Variants in CCDC33 observed in about 807,000 individuals in gnomAD.
CCDC33 encodes the protein coiled-coil domain-containing protein 33.
In CCDC33, 94 loss-of-function variants were observed where a neutral mutation model predicts 91.9. The observed-to-expected ratio is 1.02, with a 90% CI of 0.87 to 1.21. The LOEUF is 1.21. Ranked by LOEUF, CCDC33 falls within the 50% of genes most tolerant of loss-of-function variation. CCDC33 has a pLI of 0.00. For missense variants in CCDC33, 940 were observed against 935.5 expected (o/e 1.00, Z -0.06); for synonymous variants, 396 against 374.5 (o/e 1.06, Z -0.66).
chr15:74,333,731 A>G, intron 16 of CCDC33, 150 bp from the exon 17 acceptor site: 3 of 588,700 alleles, frequency 5.1e-6, no homozygotes, highest in Non-Finnish European at 9.0e-6. Context: ...CTTCCAGAAG[A>G]GGGTTCGGCC....
chr15:74,203,374 C>T (rs1238541289), intron 1 of CCDC33, among the ~76,000 whole-genome samples: 2 of 152,182 alleles, frequency 1.3e-5, no homozygotes, highest in East Asian at 3.9e-4. Context: ...AGGTCTGGGC[C>T]AGGGAGGAGG....
At chr15:74,330,413 T>G in intron 12 of CCDC33, 59 bp downstream of exon 12, 2 of 1,484,548 alleles carry the variant, frequency 1.3e-6, no homozygotes, top group Non-Finnish European at 1.8e-6. Context: ...AGGCTCCAGG[T>G]TGTGCAATAG....
At chr15:74,323,080 A>G (rs1365088153) in intron 11 of CCDC33, among the ~76,000 whole-genome samples, 2 of 151,836 alleles carry the variant, frequency 1.3e-5, no homozygotes, top group Admixed American at 1.3e-4. Flanking sequence ...TCTCCAGGAA[A>G]TCCTCTCTCT....
intron 7 of CCDC33, 40 bp from the exon 8 acceptor site, chr15:74,279,923 G>C (rs753399872): frequency 6.3e-7 from 1 of 1,597,540 alleles, no homozygotes; most frequent in Non-Finnish European, 8.5e-7. Flanking sequence ...TTTGGGAGAA[G>C]CTGTGGCCCC....
At chr15:74,247,970 G>A (rs1300345331) in intron 2 of CCDC33, among the ~76,000 whole-genome samples, 1 of 152,116 alleles carries the variant, frequency 6.6e-6, no homozygotes, top group East Asian at 1.9e-4. Context: ...CCAGCTACTT[G>A]GGAGGCTGAG....
intron 10 of CCDC33, among the ~76,000 whole-genome samples, chr15:74,295,025 T>C (rs2059657109): frequency 1.3e-5 from 2 of 152,326 alleles, no homozygotes; most frequent in South Asian, 4.1e-4. Flanking sequence ...GGAGAGACTG[T>C]CTGCTTAATG....
chr15:74,235,161 A>C (rs955456644), upstream of CCDC33, among the ~76,000 whole-genome samples: 6 of 152,288 alleles, frequency 3.9e-5, no homozygotes, highest in South Asian at 2.1e-4. Flanking sequence ...CCAGAGCCCC[A>C]GGAGTACCAC....
At chr15:74,315,278 G>T (rs1162575843) in intron 11 of CCDC33, among the ~76,000 whole-genome samples, 1 of 152,214 alleles carries the variant, frequency 6.6e-6, no homozygotes, top group Non-Finnish European at 1.5e-5. Flanking sequence ...CCTGAGTTCA[G>T]CTGAGCCTCT....
At chr15:74,304,074 C>T (rs2279377) in intron 11 of CCDC33, 5,827 of 152,322 alleles carry the variant, frequency 0.038, 135 homozygotes, top group Middle Eastern at 0.12. Flanking sequence ...ACCTGCATAG[C>T]TCTTGCAGGT....
intron 11 of CCDC33, among the ~76,000 whole-genome samples, chr15:74,320,894 AT>A (rs2060193573): frequency 6.6e-6 from 1 of 152,142 alleles, no homozygotes; most frequent in African/African-American, 2.4e-5. Flanking sequence ...GCTTGTCCTC[AT>A]GGCCAGTGGG....
intron 1 of CCDC33, chr15:74,207,621 C>T: frequency 7.3e-7 from 1 of 1,375,358 alleles, no homozygotes; most frequent in East Asian, 2.5e-5. Context: ...CTCAGGTACA[C>T]CCCCAACTTC....
At chr15:74,285,124 G>C (rs1222644286) in intron 10 of CCDC33, among the ~76,000 whole-genome samples, 1 of 152,260 alleles carries the variant, frequency 6.6e-6, no homozygotes, top group Non-Finnish European at 1.5e-5. Context: ...TGCTGTCACA[G>C]AGCGGAAATG....
At chr15:74,288,746 C>T (rs2059527155) in intron 10 of CCDC33, among the ~76,000 whole-genome samples, 1 of 152,222 alleles carries the variant, frequency 6.6e-6, no homozygotes, top group African/African-American at 2.4e-5. Flanking sequence ...ATCTGTACCC[C>T]CAACCCCAAG....
At chr15:74,330,117 A>G (rs2060396845) in intron 11 of CCDC33, 72 bp from the exon 12 acceptor site, 8 of 1,486,308 alleles carry the variant, frequency 5.4e-6, no homozygotes, top group Non-Finnish European at 7.2e-6. Context: ...CTGACTTTCA[A>G]GTGTAGATGT....
At chr15:74,250,624 CTT>C (rs778540084) in intron 2 of CCDC33, among the ~76,000 whole-genome samples, 3 of 152,230 alleles carry the variant, frequency 2.0e-5, no homozygotes, top group African/African-American at 7.2e-5. Context: ...TGTGCGTACT[CTT>C]TGCCAGTGCC....
At position 74,218,819 on chromosome 15, in the gene CCDC33, A is replaced by G; in HGVS notation, c.633A>G (p.Glu211=). 1.6e-6 allele frequency: 2 copies of G among 1,274,966 alleles called. No homozygotes were observed. Among genetic ancestry groups the G allele is most frequent in the Non-Finnish European group, 2.0e-6 (2 of 980,576 alleles). 79.0% of individuals were successfully genotyped at this position (1,274,966 alleles called of 1,614,324 possible). The change falls in exon 2 of 3, where the codon GAA becomes GAG. Residue 211 remains glutamate, a synonymous_variant. Transcript: ENST00000635913. This position sits in a 1 kb window ranked among gnomAD's most constrained non-coding sequence, Gnocchi z 4.8. ...GCCCTCCCAGGGCTGGCCAGCCAGA[A>G]CTGATGTCACCATGCCCAGAGCCCC... is the stretch of plus-strand genomic sequence containing the variant.
chr15:74,333,102 C>A, intron 16 of CCDC33: 1 of 880,642 alleles, frequency 1.1e-6, no homozygotes, highest in Non-Finnish European at 1.8e-6. Flanking sequence ...GGTCCCTGAA[C>A]CCTGACCCCT....
At chr15:74,255,230 A>G (rs2075825531) in intron 2 of CCDC33, among the ~76,000 whole-genome samples, 1 of 152,042 alleles carries the variant, frequency 6.6e-6, no homozygotes, top group East Asian at 1.9e-4. Flanking sequence ...TCCTTCTCGA[A>G]ACCTGTGAGA....
chr15:74,232,248 G>T (rs576156342), upstream of CCDC33, among the ~76,000 whole-genome samples: 2 of 152,266 alleles, frequency 1.3e-5, no homozygotes, highest in East Asian at 1.9e-4. Flanking sequence ...ATCAGCCAGG[G>T]TCCTGCCAGG....
Sources: gnomAD v4.1 joint callset for allele counts (sites outside exome capture counted in the v4.1 genomes callset) on GRCh38, gnomAD v4.1.1 for gene constraint, Gnocchi (gnomAD v3.1) non-coding constraint, MANE v1.5 for transcripts, NCBI Gene and HGNC (gene_info 2026-07-23, HGNC 2026-07-21) for gene names.